PARD3B: variants seen among roughly 807,000 people sequenced by gnomAD.
The protein encoded by PARD3B is par-3 family cell polarity regulator beta.
A neutral mutation model predicts 130.2 loss-of-function variants in PARD3B; 103 were observed. The ratio of observed to expected loss-of-function variants is 0.79; its 90% CI spans 0.67 to 0.93. PARD3B has a LOEUF of 0.93. PARD3B is among the 40% of genes least tolerant of loss of function. The probability of loss-of-function intolerance (pLI) is 0.00; values close to 1 mark genes in which losing one functional copy is unlikely to be tolerated. For missense variants in PARD3B, 1,609 were observed against 1,499.2 expected, an observed-to-expected ratio of 1.07 and a Z score of -1.21; for synonymous variants, 583 against 553.2, an observed-to-expected ratio of 1.05 and a Z score of -0.76.
At chr2:205,416,350 G>A (rs1337569176) in intron 19 of PARD3B, among the ~76,000 whole-genome samples, 5 of 152,078 alleles carry the variant, frequency 3.3e-5, no homozygotes, top group Middle Eastern at 3.2e-3. Context: ...TTAATGAATT[G>A]GAAAAGTATT....
intron 19 of PARD3B, 45 bp downstream of exon 19, chr2:205,401,168 C>G: frequency 6.9e-7 from 1 of 1,450,514 alleles, no homozygotes; most frequent in Non-Finnish European, 9.5e-7. Flanking sequence ...ACTCTATGGT[C>G]TGGGTTTAAT....
intron 19 of PARD3B, 30 bp downstream of exon 19, chr2:205,401,153 C>G (rs368829481): frequency 2.1e-5 from 31 of 1,501,512 alleles, no homozygotes; most frequent in Non-Finnish European, 2.8e-5. Flanking sequence ...CCTTCATTTT[C>G]TTTGACTCTA....
At chr2:205,221,643 A>G (rs964653033) in intron 15 of PARD3B, among the ~76,000 whole-genome samples, 1 of 152,126 alleles carries the variant, frequency 6.6e-6, no homozygotes, top group Admixed American at 6.6e-5. Context: ...GAGGCCACAC[A>G]CTTTGGATTC....
chr2:205,609,329 C>G (rs972049281), intron 22 of PARD3B, among the ~76,000 whole-genome samples: 1 of 152,084 alleles, frequency 6.6e-6, no homozygotes, highest in Admixed American at 6.5e-5. Flanking sequence ...GTAGAAGAAC[C>G]AGAGAAGAAA....
At chr2:204,644,515 A>T (rs1351038899) in intron 1 of PARD3B, among the ~76,000 whole-genome samples, 1 of 152,194 alleles carries the variant, frequency 6.6e-6, no homozygotes, top group Non-Finnish European at 1.5e-5. Flanking sequence ...AAATAATTCC[A>T]CTGAATATTT....
At chr2:204,682,521 G>A (rs1009322687) in intron 1 of PARD3B, among the ~76,000 whole-genome samples, 2 of 152,044 alleles carry the variant, frequency 1.3e-5, no homozygotes, top group African/African-American at 2.4e-5. Context: ...AGAAAATTCC[G>A]TTTTGTTTTT....
At chr2:205,055,109 C>T (rs997590568) in intron 4 of PARD3B, among the ~76,000 whole-genome samples, 6 of 152,084 alleles carry the variant, frequency 3.9e-5, no homozygotes, top group South Asian at 2.1e-4. Flanking sequence ...GCACTTAAGA[C>T]GTTATCACAA....
rs2046970829 is a variant in PARD3B, at chr2:205,421,447, A to G, written c.2742-18923A>G. 6.6e-6 allele frequency among the ~76,000 whole-genome samples: 1 copy of G among 152,134 alleles called. No homozygotes were observed. Among genetic ancestry groups the G allele is most frequent in the Admixed American group, 6.5e-5 (1 of 15,278 alleles). Reference sequence around the variant, plus strand: ...TCCATTTTTAATCTCCTCAAGACACACAGTAGAAAAGCTGCCAGAATTTGT... The same window carrying G: ...TCCATTTTTAATCTCCTCAAGACACGCAGTAGAAAAGCTGCCAGAATTTGT... On this transcript the variant is annotated intron_variant, in intron 19 of 22. Coordinates refer to ENST00000406610, the MANE Select transcript of PARD3B (RefSeq NM_001302769.2). This position sits in a 1 kb window ranked among gnomAD's most constrained non-coding sequence, Gnocchi z 5.1.
In PARD3B at chr2:205,572,131, C is replaced by T. The variant is rs1167244783; in HGVS notation, c.3260+18728C>T. ...TCAGTAAACTTTTACATAAATACTA[C>T]TATATAGCCAGCACTGAGGAAGTAT... On this transcript the variant is annotated intron_variant, in intron 22 of 22. Coordinates refer to ENST00000406610, the MANE Select transcript of PARD3B (RefSeq NM_001302769.2). This position sits in a 1 kb window ranked among gnomAD's most constrained non-coding sequence, Gnocchi z 4.2. Among the ~76,000 whole-genome samples, 1 of 152,140 alleles carries T rather than the reference C, an allele frequency of 6.6e-6. No individual in the cohort carries two copies. The highest frequency in any genetic ancestry group is 1.5e-5 in the Non-Finnish European group (1 of 68,034).
At chr2:205,320,013 TA>T (rs1393378978) in intron 18 of PARD3B, among the ~76,000 whole-genome samples, 2 of 151,710 alleles carry the variant, frequency 1.3e-5, no homozygotes, top group Non-Finnish European at 2.9e-5. Context: ...ACTAAAAATA[TA>T]AAAATTACCC....
rs1696088712 is a variant in PARD3B, at chr2:205,015,636, T to C, written c.395-31945T>C. On this transcript the variant is annotated intron_variant, in intron 3 of 22. Transcript: ENST00000406610. This position sits in a 1 kb window ranked among gnomAD's most constrained non-coding sequence, Gnocchi z 4.5. ...AGTAAATTGGAGGATGTAATAAAGG[T>C]GGTTGACATCTGCTTTGTCCTCCGT... Among the ~76,000 whole-genome samples the C allele has an allele frequency of 6.6e-6, 1 of 152,158 alleles. No homozygotes were observed. The highest frequency in any genetic ancestry group is 1.5e-5 in the Non-Finnish European group (1 of 68,034).
chr2:205,505,379 TTAAA>T (rs763303248), intron 21 of PARD3B, among the ~76,000 whole-genome samples: 218 of 137,546 alleles, frequency 1.6e-3, no homozygotes, highest in Admixed American at 2.2e-3. Context: ...ACCCTAAAAC[TTAAA>T]TAATAAAAAA....
chr2:205,217,568 A>G (rs974472179), intron 15 of PARD3B, among the ~76,000 whole-genome samples: 4 of 151,886 alleles, frequency 2.6e-5, no homozygotes, highest in Non-Finnish European at 5.9e-5. Flanking sequence ...ACACCCAGAG[A>G]GAAGAATAAC....
At chr2:204,917,879 A>G (rs985710801) in intron 2 of PARD3B, among the ~76,000 whole-genome samples, 2 of 152,200 alleles carry the variant, frequency 1.3e-5, no homozygotes, top group Non-Finnish European at 2.9e-5. Context: ...AACTGACAAT[A>G]GTAATAGTAA....
intron 10 of PARD3B, among the ~76,000 whole-genome samples, chr2:205,152,199 CT>C (rs1409375760): frequency 1.3e-5 from 2 of 152,116 alleles, no homozygotes; most frequent in Non-Finnish European, 2.9e-5. Context: ...ACATTTTTTC[CT>C]TCATTTCAAC....
In PARD3B at chr2:205,116,701, A is replaced by C. The variant is rs2029871461; in HGVS notation, c.681-2220A>C. The stretch of plus-strand genomic sequence containing the variant: ...TTCTTGTATTGGTCTGGATGAAATC[A>C]AACTGGAGGGAATCTATCCCTTCCA... On this transcript the variant is annotated intron_variant, in intron 6 of 22. Transcript: ENST00000406610. The surrounding 1 kb of genome is among the most constrained non-coding windows in gnomAD (Gnocchi z 4.5). 6.6e-6 allele frequency among the ~76,000 whole-genome samples: 1 copy of C among 152,186 alleles called. No homozygotes were observed. The highest frequency in any genetic ancestry group is 1.5e-5 in the Non-Finnish European group (1 of 68,034).
intron 18 of PARD3B, among the ~76,000 whole-genome samples, chr2:205,335,828 T>C (rs754487559): frequency 5.9e-5 from 9 of 152,028 alleles, no homozygotes; most frequent in Non-Finnish European, 1.0e-4. Flanking sequence ...TTCACTATCA[T>C]GAGAACAGCA....
intron 18 of PARD3B, among the ~76,000 whole-genome samples, chr2:205,399,064 T>A (rs891344913): frequency 6.6e-6 from 1 of 151,268 alleles, no homozygotes; most frequent in African/African-American, 2.4e-5. Flanking sequence ...AGTTCAGGAG[T>A]TCAAGACCAG....
chr2:204,995,302 C>T (rs1252471295), intron 3 of PARD3B, among the ~76,000 whole-genome samples: 6 of 150,924 alleles, frequency 4.0e-5, no homozygotes, highest in African/African-American at 1.2e-4. Context: ...TCAGCATTTG[C>T]TTGTCTATAA....
Sources: gnomAD v4.1 joint callset for allele counts (sites outside exome capture counted in the v4.1 genomes callset) on GRCh38, gnomAD v4.1.1 for gene constraint, Gnocchi (gnomAD v3.1) non-coding constraint, MANE v1.5 for transcripts, NCBI Gene and HGNC (gene_info 2026-07-23, HGNC 2026-07-21) for gene names.